IDH3B: variants seen among roughly 807,000 people sequenced by gnomAD.
The protein encoded by IDH3B is isocitrate dehydrogenase (NAD(+)) 3 non-catalytic subunit beta, also known as isocitrate dehydrogenase [NAD] subunit beta, mitochondrial.
Under a neutral mutation model 47.5 loss-of-function variants are expected in IDH3B, and 40 were observed. The ratio of observed to expected loss-of-function variants is 0.84; its 90% CI spans 0.65 to 1.10. The LOEUF (loss-of-function observed/expected upper bound fraction) is 1.10. Ranked by LOEUF, IDH3B falls within the 50% of genes least tolerant of loss-of-function variation. The pLI is 0.00. For synonymous variants in IDH3B, 185 were observed against 191.0 expected (o/e 0.97, Z 0.26); for missense variants, 450 against 505.2 (o/e 0.89, Z 1.05).
rs761746176 is a variant in IDH3B, at chr20:2,659,744, G to A, written c.965C>T (p.Pro322Leu). ...GGAAGCCGACAGCAGCATGGCCGTG[G>A]GATTGGCTATATTCCTGCCCACTGC... ...AQAVGRNIANPTAMLLSASNM... is the reference protein window; with the variant it reads ...AQAVGRNIANLTAMLLSASNM... The change falls in exon 10 of 12, where the codon CCC becomes CTC. Residue 322 changes from proline (P) to leucine (L), a missense_variant. Coordinates refer to ENST00000380843, the MANE Select transcript of IDH3B (RefSeq NM_006899.5). 3 of 1,614,158 alleles carry A rather than the reference G, an allele frequency of 1.9e-6. No individual in the cohort carries two copies. Among genetic ancestry groups the A allele is most frequent in the Non-Finnish European group, 2.5e-6 (3 of 1,180,018 alleles).
chr20:2,661,075 T>C (rs1289503138), intron 4 of IDH3B, 106 bp from the exon 5 acceptor site: 1 of 911,402 alleles, frequency 1.1e-6, no homozygotes, highest in Non-Finnish European at 1.8e-6. Context: ...CAGACTCCCA[T>C]CTCCCATTCC....
chr20:2,660,159 G>T lies in IDH3B; in HGVS notation c.786C>A (p.Tyr262Ter). 1 of 1,614,140 alleles carries T rather than the reference G, an allele frequency of 6.2e-7. No homozygotes were observed. Among genetic ancestry groups the T allele is most frequent in the Non-Finnish European group, 8.5e-7 (1 of 1,180,018 alleles). ...NCCMQLVQNPYQFDVLVMPNL... is the reference protein window; with the variant it reads ...NCCMQLVQNP ...TGGGCATCACAAGCACATCAAACTG[G>T]TAAGGATTCTGCACCAGCTAGAGGG... The change falls in exon 9 of 12, where the codon TAC (tyrosine) becomes TAA (stop). Residue 262 changes from tyrosine to a stop codon, truncating the protein, a stop_gained. Transcript: ENST00000380843. LOFTEE classifies it high-confidence loss of function. The surrounding 1 kb of genome is among the most constrained non-coding windows in gnomAD (Gnocchi z 5.6).
At chr20:2,659,210 T>G (rs1409412637) in intron 11 of IDH3B, 18 of 1,385,206 alleles carry the variant, frequency 1.3e-5, no homozygotes, top group Non-Finnish European at 1.6e-5. Flanking sequence ...CCTGCCTGTA[T>G]CCCTTGCTGT....
At chr20:2,661,051 A>G (rs576015903) in intron 4 of IDH3B, 82 bp from the exon 5 acceptor site, 69 of 1,139,670 alleles carry the variant, frequency 6.1e-5, no homozygotes, top group Non-Finnish European at 8.1e-5. Flanking sequence ...CCCCCTTAGG[A>G]ACATCATGTA....
intron 1 of IDH3B, 40 bp from the exon 2 acceptor site, chr20:2,664,045 G>A (rs1321438660): frequency 6.2e-7 from 1 of 1,612,008 alleles, no homozygotes; most frequent in African/African-American, 1.3e-5. Flanking sequence ...TCAGCTTTGA[G>A]ACATCCAGAC....
rs8296 is a variant in IDH3B at position 2,658,516 on chromosome 20, T to C, written c.*235A>G. 0.01 allele frequency: 16,839 copies of C among 1,613,486 alleles called. 1,373 individuals are homozygous for C. The African/African-American group carries it at 0.19, about 18-fold the overall frequency. On this transcript the variant is annotated 3_prime_UTR_variant, in exon 12 of 12. Coordinates refer to ENST00000380843, the MANE Select transcript of IDH3B (RefSeq NM_006899.5). ...GTAGCATAGCCACCCATGTCAGAGG[T>C]TCGAACCTGTGGGGGAGAATCATCA...
intron 11 of IDH3B, 75 bp from the exon 12 acceptor site, chr20:2,658,912 G>A: frequency 1.2e-6 from 2 of 1,600,160 alleles, no homozygotes; most frequent in Non-Finnish European, 1.7e-6. Flanking sequence ...CAATGTGATT[G>A]AGGAAATGGA....
chr20:2,660,216 C>G lies in IDH3B; in HGVS notation c.769-40G>C. On this transcript the variant is annotated intron_variant, in intron 8 of 11. Transcript: ENST00000380843. The surrounding 1 kb of genome is among the most constrained non-coding windows in gnomAD (Gnocchi z 5.6). ...GCAGGCATGAAGTAAATTCCACTCC[C>G]CACCCTCCTCCTCCGCCCCATGAGT... 6.2e-7 allele frequency: 1 copy of G among 1,614,046 alleles called. No individual in the cohort carries two copies. Among genetic ancestry groups the G allele is most frequent in the Non-Finnish European group, 8.5e-7 (1 of 1,179,916 alleles).
In IDH3B at chr20:2,658,714, A is replaced by AAGG. The variant is rs755257517; in HGVS notation, c.*36_*37insCCT. 25 of 1,614,028 alleles carry AAGG rather than the reference A, an allele frequency of 1.5e-5. No individual in the cohort carries two copies. In the South Asian group the frequency reaches 2.4e-4, roughly 16 times the overall value. ...GTACACTGCACTGAAGGGTATGGGG[A>AAGG]GTGTGGTCCTTGCAAGGTTGGAAGA... is the stretch of plus-strand genomic sequence containing the variant. On this transcript the variant is annotated 3_prime_UTR_variant, in exon 12 of 12. Transcript: ENST00000380843.
chr20:2,662,221 G>A (rs1415872585), intron 4 of IDH3B, among the ~76,000 whole-genome samples: 3 of 152,214 alleles, frequency 2.0e-5, no homozygotes, highest in Non-Finnish European at 4.4e-5. Flanking sequence ...TACAGTGAAT[G>A]AGTGAGAAGG....
intron 11 of IDH3B, 39 bp from the exon 12 acceptor site, chr20:2,658,876 AAG>A (rs748879559): frequency 1.8e-5 from 29 of 1,613,406 alleles, no homozygotes; most frequent in Admixed American, 6.7e-5. Flanking sequence ...GGAGGGAGAA[AAG>A]AGAGCCCATG....
chr20:2,658,509 T>A lies in IDH3B; in HGVS notation c.*242A>T. On this transcript the variant is annotated 3_prime_UTR_variant, in exon 12 of 12. Coordinates refer to ENST00000380843, the MANE Select transcript of IDH3B (RefSeq NM_006899.5). ...ATGGCAAGTAGCATAGCCACCCATGTCAGAGGTTCGAACCTGTGGGGGAGA... is the reference window on the plus strand; with the variant it reads ...ATGGCAAGTAGCATAGCCACCCATGACAGAGGTTCGAACCTGTGGGGGAGA... The A allele has an allele frequency of 6.2e-7, 1 of 1,614,062 alleles. No homozygotes were observed. The highest frequency in any genetic ancestry group is 8.5e-7 in the Non-Finnish European group (1 of 1,180,002).
At position 2,663,728 on chromosome 20, in the gene IDH3B, G is replaced by C; in HGVS notation, c.148C>G (p.Pro50Ala). ...CCGTCTCCCGGAAGCATGGTCACGG[G>C]AAAGGAGCCCTCCACCCTCACGTCC... ...AEDVRVEGSF[P>A]VTMLPGDGVG... The change falls in exon 3 of 12, where the codon CCC (proline) becomes GCC (alanine). Residue 50 changes from proline (P) to alanine (A), a missense_variant. Physicochemically the swap from Pro to Ala is conservative, Grantham distance 27. Transcript: ENST00000380843. The C allele has an allele frequency of 1.2e-6, 2 of 1,614,214 alleles. No individual in the cohort carries two copies. The highest frequency in any genetic ancestry group is 1.7e-6 in the Non-Finnish European group (2 of 1,180,038).
chr20:2,661,986 G>C lies in IDH3B; in HGVS notation c.338-1017C>G, dbSNP rs181070780. ...GAAAAATGATACCGAGACAGAGAGGGAAGAAAACCACAGATATTGGAGTGA... is the reference window on the plus strand; with the variant it reads ...GAAAAATGATACCGAGACAGAGAGGCAAGAAAACCACAGATATTGGAGTGA... On this transcript the variant is annotated intron_variant, in intron 4 of 11. Coordinates refer to ENST00000380843, the MANE Select transcript of IDH3B (RefSeq NM_006899.5). 4.6e-5 allele frequency among the ~76,000 whole-genome samples: 7 copies of C among 152,224 alleles called. No individual in the cohort carries two copies. In the East Asian group the frequency reaches 1.2e-3, roughly 25 times the overall value.
rs71329398 is a variant in IDH3B at position 2,661,177 on chromosome 20, C to CTGTGTGTGTGTGTGTG, written c.338-224_338-209dup. 8.5e-3 allele frequency among the ~76,000 whole-genome samples: 1,276 copies of CTGTGTGTGTGTGTGTG among 150,154 alleles called. 9 individuals carry two copies. Among genetic ancestry groups the CTGTGTGTGTGTGTGTG allele is most frequent in the South Asian group, 0.018 (83 of 4,730 alleles). On this transcript the variant is annotated intron_variant, in intron 4 of 11. Coordinates refer to ENST00000380843, the MANE Select transcript of IDH3B (RefSeq NM_006899.5). ...AGAAACATTTCATCTATTGCATTTT[C>CTGTGTGTGTGTGTGTG]TGTGTGTGTGTGTGTGTGTGTGTGT...
intron 2 of IDH3B, 80 bp downstream of exon 2, chr20:2,663,845 G>A (rs770583838): frequency 7.5e-6 from 12 of 1,591,564 alleles, no homozygotes; most frequent in Non-Finnish European, 1.0e-5. Flanking sequence ...AGACCCGGGA[G>A]GGGTGGGGAA....
Position 2,659,384 on chromosome 20 carries a change from T to G in IDH3B, c.1071+141A>C, listed in dbSNP as rs1191532034. 9.0e-6 allele frequency: 14 copies of G among 1,558,934 alleles called. No individual in the cohort carries two copies. In the Admixed American group the frequency reaches 1.0e-4, roughly 11 times the overall value. The stretch of plus-strand genomic sequence containing the variant: ...AGATGAAGAACAGCCCTGAGAGGGA[T>G]GCAGGGATGTCAGGGAGCAGATGTT... On this transcript the variant is annotated intron_variant, in intron 11 of 11. Coordinates refer to ENST00000380843, the MANE Select transcript of IDH3B (RefSeq NM_006899.5).
Position 2,658,534 on chromosome 20 carries a change from A to G in IDH3B, c.*217T>C. 1 of 1,613,490 alleles carries G rather than the reference A, an allele frequency of 6.2e-7. No individual in the cohort carries two copies. Among genetic ancestry groups the G allele is most frequent in the Non-Finnish European group, 8.5e-7 (1 of 1,179,638 alleles). On this transcript the variant is annotated 3_prime_UTR_variant, in exon 12 of 12. Coordinates refer to ENST00000380843, the MANE Select transcript of IDH3B (RefSeq NM_006899.5). ...TCAGAGGTTCGAACCTGTGGGGGAG[A>G]ATCATCATCATCCATGTGGCCTGGG...
chr20:2,663,282 C>T (rs1179091912), intron 4 of IDH3B, among the ~76,000 whole-genome samples, 164 bp downstream of exon 4: 1 of 152,220 alleles, frequency 6.6e-6, no homozygotes, highest in African/African-American at 2.4e-5. Flanking sequence ...GACATGATCT[C>T]TCAACTCCTG....
Sources: allele counts gnomAD v4.1 joint callset (sites outside exome capture counted in the v4.1 genomes callset), GRCh38; gene constraint gnomAD v4.1.1; non-coding constraint Gnocchi (gnomAD v3.1); transcripts MANE v1.5; gene names NCBI Gene and HGNC (gene_info 2026-07-23, HGNC 2026-07-21).